The following ABHD2 variants were observed in gnomAD, a reference collection of about 807,000 sequenced individuals.
ABHD2 encodes abhydrolase domain containing 2, acylglycerol lipase.
A neutral mutation model predicts 48.1 loss-of-function variants in ABHD2; 20 were observed. The observed-to-expected ratio is 0.42, with a 90% CI of 0.29 to 0.60. The LOEUF (loss-of-function observed/expected upper bound fraction) is 0.60. Ranked by LOEUF, ABHD2 falls within the 20% of genes least tolerant of loss-of-function variation. ABHD2 has a pLI of 0.24. For synonymous variants in ABHD2, 209 were observed against 214.2 expected (o/e 0.98, Z 0.21); for missense variants, 405 against 550.9 (o/e 0.74, Z 2.65).
chr15:89,069,935 C>T, the ABHD2 span, among the ~76,000 whole-genome samples: 1 of 152,126 alleles, frequency 6.6e-6, no homozygotes, highest in African/African-American at 2.4e-5. Flanking sequence ...CTGCCTCGAC[C>T]TCCCAAAGTG....
At chr15:89,134,144 T>C (rs1391389852) in intron 3 of ABHD2, among the ~76,000 whole-genome samples, 1 of 152,078 alleles carries the variant, frequency 6.6e-6, no homozygotes, top group Admixed American at 6.6e-5. Flanking sequence ...GGCCGCATAA[T>C]TTTTTTTAAT....
At chr15:89,143,611 G>A (rs557887395) in intron 3 of ABHD2, among the ~76,000 whole-genome samples, 1 of 151,824 alleles carries the variant, frequency 6.6e-6, no homozygotes, top group South Asian at 2.1e-4. Context: ...AGGTTGCAGT[G>A]AGCCGAAATT....
rs2919423 is a variant in ABHD2, at chr15:89,115,370, A to G, written c.-6-952A>G. On this transcript the variant is annotated intron_variant, in intron 2 of 10. Coordinates refer to ENST00000352732, the MANE Select transcript of ABHD2 (RefSeq NM_152924.5). ...TGTTTGGTTTTATATGTTTGGAGGT[A>G]TGTGTGTGTGTGTGTGTGTGTGTGT... Among the ~76,000 whole-genome samples the G allele has an allele frequency of 4.1e-3, 416 of 100,580 alleles. 20 individuals are homozygous for G. Among genetic ancestry groups the G allele is most frequent in the Middle Eastern group, 9.3e-3 (2 of 214 alleles). 66.0% of individuals were successfully genotyped at this position (100,580 alleles called of 152,430 possible).
chr15:89,111,533 A>C (rs293401), intron 1 of ABHD2, among the ~76,000 whole-genome samples: 1 of 152,006 alleles, frequency 6.6e-6, no homozygotes, highest in Non-Finnish European at 1.5e-5. Context: ...AGAGACTTCA[A>C]GGTCACTTCA....
intron 3 of ABHD2, among the ~76,000 whole-genome samples, chr15:89,127,620 A>C (rs1011402853): frequency 1.3e-5 from 2 of 150,890 alleles, no homozygotes; most frequent in Non-Finnish European, 2.9e-5. Flanking sequence ...TAAAATGTTG[A>C]CACCTGCCAA....
chr15:89,058,197 G>C, the ABHD2 span, among the ~76,000 whole-genome samples: 1 of 152,066 alleles, frequency 6.6e-6, no homozygotes, highest in Admixed American at 6.6e-5. Context: ...CATTCCCCTG[G>C]CTCTCCACTT....
chr15:89,110,531 A>G (rs916030191), intron 1 of ABHD2, among the ~76,000 whole-genome samples: 1 of 152,044 alleles, frequency 6.6e-6, no homozygotes, highest in African/African-American at 2.4e-5. Flanking sequence ...CTTCTAAAGT[A>G]CAGATAGCCT....
At chr15:89,068,617 G>T in the ABHD2 span, among the ~76,000 whole-genome samples, 1 of 152,114 alleles carries the variant, frequency 6.6e-6, no homozygotes, top group Admixed American at 6.6e-5. Flanking sequence ...GGTGTCCCGA[G>T]AAAGCAAAGC....
In ABHD2 at chr15:89,176,411, A is replaced by C. The variant is rs894372714; in HGVS notation, c.722+416A>C. ...AGATCCCTCCTTCCTGCAAGAGATG[A>C]GTCCCAGATGGCATCTGGAAGGGAT... On this transcript the variant is annotated intron_variant, in intron 6 of 10. Transcript: ENST00000352732. The surrounding 1 kb of genome is among the most constrained non-coding windows in gnomAD (Gnocchi z 4.5). Among the ~76,000 whole-genome samples the C allele has an allele frequency of 3.0e-4, 45 of 152,122 alleles. No homozygotes were observed. Among genetic ancestry groups the C allele is most frequent in the African/African-American group, 1.1e-3 (44 of 41,436 alleles).
At chr15:89,183,985 G>C (rs530166300) in intron 6 of ABHD2, among the ~76,000 whole-genome samples, 2 of 152,238 alleles carry the variant, frequency 1.3e-5, no homozygotes. Context: ...TGCTTTAGCC[G>C]GGGTCCCTCA....
intron 3 of ABHD2, among the ~76,000 whole-genome samples, chr15:89,118,851 C>T (rs1005850795): frequency 6.6e-6 from 1 of 152,034 alleles, no homozygotes; most frequent in African/African-American, 2.4e-5. Flanking sequence ...GACATTAAGC[C>T]CAACAGTTTC....
intron 3 of ABHD2, among the ~76,000 whole-genome samples, chr15:89,127,724 T>TATATATATATAC (rs2050155817): frequency 1.6e-4 from 11 of 70,714 alleles, no homozygotes; most frequent in African/African-American, 5.3e-4. Context: ...TATATACACA[T>TATATATATATAC]ATATATATAT....
At chr15:89,055,193 G>A in the ABHD2 span, among the ~76,000 whole-genome samples, 1 of 152,088 alleles carries the variant, frequency 6.6e-6, no homozygotes, top group Non-Finnish European at 1.5e-5. Context: ...TTGAAACCCA[G>A]TCCAAAAAAC....
chr15:89,158,749 G>C (rs1449539426), intron 5 of ABHD2, among the ~76,000 whole-genome samples: 2 of 152,012 alleles, frequency 1.3e-5, no homozygotes, highest in Non-Finnish European at 2.9e-5. Context: ...GTCTCACTCT[G>C]TCACCCAGGA....
At chr15:89,117,936 C>A (rs1470477115) in intron 3 of ABHD2, among the ~76,000 whole-genome samples, 1 of 152,140 alleles carries the variant, frequency 6.6e-6, no homozygotes, top group African/African-American at 2.4e-5. Flanking sequence ...GATGTCATGA[C>A]CCCAAGTCAA....
chr15:89,105,639 T>A (rs1451969666), intron 1 of ABHD2, among the ~76,000 whole-genome samples: 1 of 152,264 alleles, frequency 6.6e-6, no homozygotes, highest in African/African-American at 2.4e-5. Context: ...CTTCACCTTG[T>A]AGGACCTGGT....
In ABHD2 at chr15:89,197,402, TCTC is replaced by T. The variant is rs2051423821; in HGVS notation, c.*1983_*1985del. The T allele has an allele frequency of 6.5e-6, 1 of 152,768 alleles. No homozygotes were observed. The highest frequency in any genetic ancestry group is 2.1e-4 in the South Asian group (1 of 4,828). The allele number at this position is 152,768 out of a possible 1,614,324, so 9.5% of individuals were successfully genotyped here. The stretch of plus-strand genomic sequence containing the variant: ...CCCTCTCAGTTTGGAAGTTAGCCCC[TCTC>T]CTCTGTTACTTTTCCCTTCACCCAA... On this transcript the variant is annotated 3_prime_UTR_variant, in exon 11 of 11. Coordinates refer to ENST00000352732, the MANE Select transcript of ABHD2 (RefSeq NM_152924.5). The surrounding 1 kb of genome is among the most constrained non-coding windows in gnomAD (Gnocchi z 4.4).
intron 1 of ABHD2, 97 bp from the exon 2 acceptor site, chr15:89,113,628 C>G (rs1005314965): frequency 6.6e-6 from 1 of 152,194 alleles, no homozygotes; most frequent in African/African-American, 2.4e-5. Flanking sequence ...TGTCTTTTCC[C>G]TAAAGACTTT....
intron 3 of ABHD2, among the ~76,000 whole-genome samples, chr15:89,144,852 T>A (rs577003966): frequency 6.6e-6 from 1 of 152,326 alleles, no homozygotes; most frequent in African/African-American, 2.4e-5. Flanking sequence ...CTCAAAAAAG[T>A]CGTGGGGACA....
Sources: allele counts gnomAD v4.1 joint callset (sites outside exome capture counted in the v4.1 genomes callset), GRCh38; gene constraint gnomAD v4.1.1; non-coding constraint Gnocchi (gnomAD v3.1); transcripts MANE v1.5; gene names NCBI Gene and HGNC (gene_info 2026-07-23, HGNC 2026-07-21).